The following SFMBT2 variants were observed in gnomAD, a reference collection of about 807,000 sequenced individuals.
The protein encoded by SFMBT2 is scm-like with four MBT domains protein 2.
SFMBT2 carries 38 observed loss-of-function variants against 110.1 expected under a neutral mutation model. The observed-to-expected ratio is 0.35, with a 90% CI of 0.27 to 0.45. The LOEUF (loss-of-function observed/expected upper bound fraction) is 0.45, where lower values mean the gene tolerates loss of function less well. Among genes scored for constraint, SFMBT2 ranks in the 20% least tolerant of loss-of-function variants. The pLI is 1.00. For missense variants in SFMBT2, 1,011 were observed against 1,094.9 expected (o/e 0.92, Z 1.08); for synonymous variants, 425 against 425.4 (o/e 1.00, Z 0.01).
chr10:7,206,925 A>C (rs1475871166), intron 11 of SFMBT2: 7 of 985,320 alleles, frequency 7.1e-6, no homozygotes, highest in Non-Finnish European at 8.4e-6. Flanking sequence ...ATTGAGAACC[A>C]AGATGAAGAT....
intron 12 of SFMBT2, chr10:7,204,499 G>A (rs1419298317): frequency 1.1e-5 from 10 of 941,580 alleles, no homozygotes; most frequent in Non-Finnish European, 1.2e-5. Flanking sequence ...TATGCATTAG[G>A]GTAGAATAAT....
chr10:7,409,418 G>A (rs1846311124), intron 1 of SFMBT2: 1 of 151,990 alleles, frequency 6.6e-6, no homozygotes, highest in South Asian at 2.1e-4. Flanking sequence ...CGTGTCCGCA[G>A]TTTGTCACGT....
At chr10:7,276,842 G>A (rs551604117) in intron 7 of SFMBT2, 50 bp downstream of exon 7, 87 of 835,212 alleles carry the variant, frequency 1.0e-4, no homozygotes, top group South Asian at 9.3e-4. Flanking sequence ...CTTTGTAGAT[G>A]ATTTTATTCT....
intron 4 of SFMBT2, among the ~76,000 whole-genome samples, chr10:7,319,738 T>C (rs1268622355): frequency 1.6e-4 from 13 of 81,574 alleles, no homozygotes; most frequent in Non-Finnish European, 2.8e-4. Context: ...GAGAGGAAGA[T>C]AGAGAGACAG....
intron 11 of SFMBT2, among the ~76,000 whole-genome samples, chr10:7,217,990 T>C (rs1839598744): frequency 6.6e-6 from 1 of 152,142 alleles, no homozygotes; most frequent in Non-Finnish European, 1.5e-5. Context: ...AACAGCCCCT[T>C]TAGAGACACG....
chr10:7,276,863 AG>A (rs746165917), intron 7 of SFMBT2, 28 bp downstream of exon 7: 12 of 849,746 alleles, frequency 1.4e-5, no homozygotes, highest in Non-Finnish European at 2.1e-5. Flanking sequence ...CAAAAAGGGT[AG>A]ATACATTGCT....
At chr10:7,378,881 G>A (rs1022978312) in intron 2 of SFMBT2, among the ~76,000 whole-genome samples, 4 of 151,910 alleles carry the variant, frequency 2.6e-5, no homozygotes, top group Non-Finnish European at 1.5e-5. Flanking sequence ...ACTCATCTGT[G>A]CACTTGAAGG....
At chr10:7,280,673 T>C (rs1004007983) in intron 6 of SFMBT2, among the ~76,000 whole-genome samples, 1 of 152,172 alleles carries the variant, frequency 6.6e-6, no homozygotes, top group African/African-American at 2.4e-5. Context: ...TTGATATACA[T>C]TACACCACTC....
Position 7,163,930 on chromosome 10 carries a change from G to A in SFMBT2, c.2545-20C>T, listed in dbSNP as rs1837621751. The A allele has an allele frequency of 6.2e-7, 1 of 1,608,810 alleles. No homozygotes were observed. The highest frequency in any genetic ancestry group is 8.5e-7 in the Non-Finnish European group (1 of 1,177,260). On this transcript the variant is annotated intron_variant, in intron 20 of 20. Coordinates refer to ENST00000397167, the MANE Select transcript of SFMBT2 (RefSeq NM_001387889.1). The surrounding 1 kb of genome is among the most constrained non-coding windows in gnomAD (Gnocchi z 4.8). The stretch of plus-strand genomic sequence containing the variant: ...AATATCCTGCAGGAAAAGAAAGGCA[G>A]GTTAGAGAAGGGGCAGTGTGCACTG...
At chr10:7,402,513 T>C (rs1846108400) in intron 1 of SFMBT2, among the ~76,000 whole-genome samples, 1 of 152,222 alleles carries the variant, frequency 6.6e-6, no homozygotes, top group African/African-American at 2.4e-5. Context: ...GGTTTATTTA[T>C]AATACCCCAA....
At position 7,357,875 on chromosome 10, in the gene SFMBT2, G is replaced by A. The variant is rs114100553; in HGVS notation, c.436+9774C>T. Reference sequence around the variant, plus strand: ...AAGGACTCGAGTTGGAGGCACGACCGTTGGTATGGCTCTGGAATGTTGGCA... The same window carrying A: ...AAGGACTCGAGTTGGAGGCACGACCATTGGTATGGCTCTGGAATGTTGGCA... On this transcript the variant is annotated intron_variant, in intron 4 of 20. Transcript: ENST00000397167. Among the ~76,000 whole-genome samples, 1,262 of 152,166 alleles carry A rather than the reference G, an allele frequency of 8.3e-3. 22 individuals carry two copies. Among genetic ancestry groups the A allele is most frequent in the African/African-American group, 0.027 (1,141 of 41,564 alleles).
intron 1 of SFMBT2, among the ~76,000 whole-genome samples, chr10:7,405,600 G>C (rs561662327): frequency 6.6e-6 from 1 of 152,266 alleles, no homozygotes; most frequent in East Asian, 1.9e-4. Context: ...TTATCCTTTA[G>C]GGGAACATGA....
intron 20 of SFMBT2, among the ~76,000 whole-genome samples, chr10:7,164,717 C>T (rs1837647835): frequency 6.7e-6 from 1 of 150,256 alleles, no homozygotes; most frequent in Non-Finnish European, 1.5e-5. Context: ...ACAGATATGC[C>T]AACGACAGCA....
intron 1 of SFMBT2, among the ~76,000 whole-genome samples, chr10:7,391,589 A>T (rs1845767995): frequency 6.6e-6 from 1 of 152,206 alleles, no homozygotes. Flanking sequence ...TCACTTTGCA[A>T]ACGATGTGTC....
chr10:7,410,320 C>T (rs1259500359), intron 1 of SFMBT2, among the ~76,000 whole-genome samples: 1 of 152,276 alleles, frequency 6.6e-6, no homozygotes, highest in East Asian at 1.9e-4. Flanking sequence ...CCATGCCGGT[C>T]TCCGATTCCC....
chr10:7,255,678 T>C (rs1588389654), intron 7 of SFMBT2, among the ~76,000 whole-genome samples: 4 of 152,340 alleles, frequency 2.6e-5, no homozygotes, highest in African/African-American at 9.6e-5. Context: ...TGGTTCTATC[T>C]ACATCAACTT....
intron 7 of SFMBT2, among the ~76,000 whole-genome samples, chr10:7,268,785 A>G (rs1841477733): frequency 6.6e-6 from 1 of 152,234 alleles, no homozygotes; most frequent in Non-Finnish European, 1.5e-5. Context: ...TGCTGCGATT[A>G]CAGGCATAAG....
chr10:7,252,953 A>C (rs539783110), intron 7 of SFMBT2, among the ~76,000 whole-genome samples: 1 of 152,310 alleles, frequency 6.6e-6, no homozygotes, highest in Admixed American at 6.5e-5. Flanking sequence ...CACACCCACT[A>C]GGGAGGGGAG....
intron 4 of SFMBT2, among the ~76,000 whole-genome samples, chr10:7,323,556 A>G (rs941245320): frequency 1.3e-5 from 2 of 152,034 alleles, no homozygotes; most frequent in East Asian, 1.9e-4. Context: ...AGGAGCCCCA[A>G]TATTACATGG....
Sources: gnomAD v4.1 joint callset for allele counts (sites outside exome capture counted in the v4.1 genomes callset) on GRCh38, gnomAD v4.1.1 for gene constraint, Gnocchi (gnomAD v3.1) non-coding constraint, MANE v1.5 for transcripts, NCBI Gene and HGNC (gene_info 2026-07-23, HGNC 2026-07-21) for gene names.